Variants in CASP6 observed in about 807,000 individuals in gnomAD.
The protein encoded by CASP6 is caspase-6.
CASP6 carries 20 observed loss-of-function variants against 31.8 expected under a neutral mutation model. The ratio of observed to expected loss-of-function variants is 0.63; its 90% CI spans 0.44 to 0.91. The LOEUF is 0.91. Ranked by LOEUF, CASP6 falls within the 40% of genes least tolerant of loss-of-function variation. CASP6 has a pLI of 0.00. For missense variants in CASP6, 328 were observed against 361.1 expected, an observed-to-expected ratio of 0.91 and a Z score of 0.74; for synonymous variants, 130 against 127.8, an observed-to-expected ratio of 1.02 and a Z score of -0.12.
At chr4:109,666,677 C>T in the CASP6 span, among the ~76,000 whole-genome samples, 1 of 152,074 alleles carries the variant, frequency 6.6e-6, no homozygotes, top group Non-Finnish European at 1.5e-5. Flanking sequence ...TTTGGGATAA[C>T]GGTCTTGTAT....
At chr4:109,664,408 C>A in the CASP6 span, 2 of 969,584 alleles carry the variant, frequency 2.1e-6, no homozygotes, top group Non-Finnish European at 3.2e-6. Context: ...AGAAACACAG[C>A]TATCCAACTA....
chr4:109,675,085 C>T, the CASP6 span, among the ~76,000 whole-genome samples: 1 of 152,048 alleles, frequency 6.6e-6, no homozygotes, highest in African/African-American at 2.4e-5. Flanking sequence ...GTAAGTGACC[C>T]ATGTCAAAAA....
intron 2 of CASP6, among the ~76,000 whole-genome samples, 156 bp downstream of exon 2, chr4:109,698,144 C>T (rs1020348013): frequency 6.6e-6 from 1 of 152,186 alleles, no homozygotes; most frequent in Non-Finnish European, 1.5e-5. Flanking sequence ...AGGGGCAGCA[C>T]AACCTGCCTA....
intron 1 of CASP6, among the ~76,000 whole-genome samples, chr4:109,702,205 T>A (rs1271784299): frequency 6.6e-6 from 1 of 152,208 alleles, no homozygotes; most frequent in Non-Finnish European, 1.5e-5. Context: ...AGGCTACCTA[T>A]CTACCTCCTC....
At chr4:109,669,043 AC>A in the CASP6 span, among the ~76,000 whole-genome samples, 1 of 152,014 alleles carries the variant, frequency 6.6e-6, no homozygotes, top group Non-Finnish European at 1.5e-5. Context: ...ATTCTTTTGA[AC>A]CGACTGTTAT....
the CASP6 span, among the ~76,000 whole-genome samples, chr4:109,669,121 TTCTC>T: frequency 4.0e-4 from 61 of 152,286 alleles, 1 homozygote; most frequent in South Asian, 0.012. Context: ...CCTTCTCTGA[TTCTC>T]TTTCTTTCTG....
chr4:109,665,957 A>G, the CASP6 span, among the ~76,000 whole-genome samples: 20 of 152,120 alleles, frequency 1.3e-4, no homozygotes, highest in South Asian at 4.2e-3. Flanking sequence ...GTGGGAGGAA[A>G]AAAAGAAAGG....
chr4:109,701,238 C>T (rs1730413246), intron 1 of CASP6, among the ~76,000 whole-genome samples: 1 of 152,124 alleles, frequency 6.6e-6, no homozygotes, highest in Non-Finnish European at 1.5e-5. Flanking sequence ...GCTGGGATTA[C>T]AAGCATGAGC....
At chr4:109,679,187 C>T in the CASP6 span, among the ~76,000 whole-genome samples, 1 of 152,036 alleles carries the variant, frequency 6.6e-6, no homozygotes, top group African/African-American at 2.4e-5. Flanking sequence ...CAGAGGCACT[C>T]CTCACATCCC....
chr4:109,677,802 ATTTTT>A, the CASP6 span, among the ~76,000 whole-genome samples: 9 of 86,608 alleles, frequency 1.0e-4, no homozygotes, highest in African/African-American at 3.3e-4. Flanking sequence ...AAGGAAACAA[ATTTTT>A]TTTTTTTTTT....
the CASP6 span, among the ~76,000 whole-genome samples, chr4:109,679,092 C>A: frequency 6.9e-6 from 1 of 144,424 alleles, no homozygotes; most frequent in Admixed American, 6.9e-5. Context: ...CCATTAGGGG[C>A]AGCCGGGCAG....
the CASP6 span, among the ~76,000 whole-genome samples, chr4:109,665,021 A>G: frequency 6.6e-6 from 1 of 152,134 alleles, no homozygotes; most frequent in Non-Finnish European, 1.5e-5. Flanking sequence ...GAGTTCCCAT[A>G]TGCTCTCTGC....
At chr4:109,669,484 T>C in the CASP6 span, among the ~76,000 whole-genome samples, 1 of 152,186 alleles carries the variant, frequency 6.6e-6, no homozygotes, top group African/African-American at 2.4e-5. Context: ...GAAAATGATA[T>C]ACGTATGTGT....
chr4:109,700,156 C>T (rs1730373065), intron 1 of CASP6, among the ~76,000 whole-genome samples: 1 of 152,184 alleles, frequency 6.6e-6, no homozygotes, highest in Non-Finnish European at 1.5e-5. Flanking sequence ...AGGGTGAAAA[C>T]ACTGGAGATG....
intron 1 of CASP6, among the ~76,000 whole-genome samples, chr4:109,699,101 A>G (rs533733580): frequency 1.5e-4 from 23 of 152,344 alleles, no homozygotes; most frequent in Admixed American, 1.0e-3. Context: ...TTTATTGTCA[A>G]TTTAAATGAA....
At chr4:109,669,909 T>A in the CASP6 span, among the ~76,000 whole-genome samples, 1 of 152,214 alleles carries the variant, frequency 6.6e-6, no homozygotes, top group Non-Finnish European at 1.5e-5. Flanking sequence ...ACATTACCCA[T>A]CTGTTCTTGC....
chr4:109,678,251 T>C, the CASP6 span, among the ~76,000 whole-genome samples: 3 of 152,106 alleles, frequency 2.0e-5, no homozygotes, highest in African/African-American at 7.2e-5. Flanking sequence ...TGATCTCTCT[T>C]TCTTTTCCCC....
chr4:109,696,509 G>A, intron 3 of CASP6, 23 bp from the exon 4 acceptor site: 1 of 1,542,784 alleles, frequency 6.5e-7, no homozygotes, highest in East Asian at 2.2e-5. Context: ...TAAATGAAAT[G>A]TTAGCCTATA....
At chr4:109,703,481 T>C (rs1730500382), upstream of CASP6, 24 of 1,520,372 alleles carry the variant, frequency 1.6e-5, no homozygotes, top group Admixed American at 2.0e-5. Context: ...CGGCCCTTCC[T>C]CGGCGGCCCC....
Sources: allele counts gnomAD v4.1 joint callset (sites outside exome capture counted in the v4.1 genomes callset), GRCh38; gene constraint gnomAD v4.1.1; transcripts MANE v1.5; gene names NCBI Gene and HGNC (gene_info 2026-07-23, HGNC 2026-07-21).